Variants in LRP2 observed in about 807,000 individuals in gnomAD.
LRP2 encodes the protein low-density lipoprotein receptor-related protein 2.
LRP2 carries 172 observed loss-of-function variants against 531.0 expected under a neutral mutation model. That is an observed-to-expected ratio of 0.32 (90% CI 0.29 to 0.37). LRP2 has a LOEUF of 0.37. Among genes scored for constraint, LRP2 ranks in the 10% least tolerant of loss-of-function variants. LRP2 has a pLI of 1.00. For missense variants in LRP2, 5,167 were observed against 5,868.3 expected, an observed-to-expected ratio of 0.88 and a Z score of 3.90; for synonymous variants, 1,992 against 2,027.6, an observed-to-expected ratio of 0.98 and a Z score of 0.47.
chr2:169,211,823 C>G (rs769194876), intron 37 of LRP2, 145 bp downstream of exon 37: 25 of 1,163,412 alleles, frequency 2.1e-5, no homozygotes, highest in Non-Finnish European at 3.0e-5. Flanking sequence ...TTGAAAAACA[C>G]TTTAGGCTGT....
At position 169,201,860 on chromosome 2, in the gene LRP2, G is replaced by A; in HGVS notation, c.8220C>T (p.Thr2740=). 6.2e-7 allele frequency: 1 copy of A among 1,614,058 alleles called. No individual in the cohort carries two copies. The highest frequency in any genetic ancestry group is 8.5e-7 in the Non-Finnish European group (1 of 1,180,008). Residue 2740 remains threonine, a synonymous_variant, in exon 44 of 79, where the codon ACC becomes ACT. Transcript: ENST00000649046. ...DEMESVCALH[T]CSPTAFTCAN... ...CACAGGTGAAGGCTGTCGGTGAGCA[G>A]GTGTGAAGTGCTAAGAACAGGAAAA...
chr2:169,238,746 T>C (rs944514221), intron 26 of LRP2, among the ~76,000 whole-genome samples: 1 of 152,142 alleles, frequency 6.6e-6, no homozygotes, highest in Non-Finnish European at 1.5e-5. Context: ...CCCTCTCTTC[T>C]TTTTCTTTTT....
chr2:169,328,372 G>A (rs1164606360), intron 1 of LRP2, among the ~76,000 whole-genome samples: 2 of 142,598 alleles, frequency 1.4e-5, no homozygotes, highest in Admixed American at 7.6e-5. Context: ...AGGAAGTGAG[G>A]AGCCCCTCTG....
rs1319203698 is a variant in LRP2 at position 169,287,361 on chromosome 2, G to C, written c.1042+1665C>G. Among the ~76,000 whole-genome samples, 3 of 152,138 alleles carry C rather than the reference G, an allele frequency of 2.0e-5. No individual in the cohort carries two copies. In the East Asian group the frequency reaches 5.8e-4, roughly 29 times the overall value. On this transcript the variant is annotated intron_variant, in intron 9 of 78. Transcript: ENST00000649046. ...ATCTTAAAGTACCTTGTTGAATATAGTTACTTAAGAGGAGCAATTAGATGG... is the reference window on the plus strand; with the variant it reads ...ATCTTAAAGTACCTTGTTGAATATACTTACTTAAGAGGAGCAATTAGATGG...
Position 169,209,481 on chromosome 2 carries a change from G to C in LRP2, c.6441C>G (p.Val2147=), listed in dbSNP as rs760886750. The change falls in exon 38 of 79, where the codon GTC becomes GTG. Residue 2147 remains valine, a synonymous_variant. Coordinates refer to ENST00000649046, the MANE Select transcript of LRP2 (RefSeq NM_004525.3). ...CTACCCAATCCACTGCAATACCCCG[G>C]ACTCCATTTTCTCCTATTCCATGTG... The part of the protein sequence containing the change: ...IVTHGIGENG[V]RGIAVDWVAG... 2 of 1,613,968 alleles carry C rather than the reference G, an allele frequency of 1.2e-6. No individual in the cohort carries two copies. Among genetic ancestry groups the C allele is most frequent in the Non-Finnish European group, 8.5e-7 (1 of 1,179,952 alleles).
At chr2:169,237,975 A>C (rs1268167745) in intron 27 of LRP2, 116 bp downstream of exon 27, 2 of 836,428 alleles carry the variant, frequency 2.4e-6, no homozygotes, top group Middle Eastern at 2.2e-4. Context: ...TGTGGCCCAG[A>C]AGGTACCATG....
In LRP2 at chr2:169,204,186, A is replaced by G. The variant is rs554748412; in HGVS notation, c.7801T>C (p.Tyr2601His). The change falls in exon 42 of 79, where the codon TAT (tyrosine) becomes CAT (histidine). Residue 2601 changes from tyrosine (Y) to histidine (H), a missense_variant. Coordinates refer to ENST00000649046, the MANE Select transcript of LRP2 (RefSeq NM_004525.3). Reference sequence around the variant, plus strand: ...TCAGTCCAGTAAATATACTGGCCATAGAGAGTCAAGCCAAAAGCATGAACG... The same window carrying G: ...TCAGTCCAGTAAATATACTGGCCATGGAGAGTCAAGCCAAAAGCATGAACG... Reference protein sequence around the residue: ...AAVHAFGLTLYGQYIYWTDLY... With the variant: ...AAVHAFGLTLHGQYIYWTDLY... 4.5e-5 allele frequency: 72 copies of G among 1,614,084 alleles called. No homozygotes were observed. Among genetic ancestry groups the G allele is most frequent in the Non-Finnish European group, 5.7e-5 (67 of 1,180,030 alleles).
At chr2:169,247,784 G>T (rs1690069417) in intron 19 of LRP2, among the ~76,000 whole-genome samples, 1 of 152,152 alleles carries the variant, frequency 6.6e-6, no homozygotes, top group Admixed American at 6.6e-5. Context: ...ATTGGATTTA[G>T]TTCTGCATAG....
At chr2:169,310,988 T>C (rs964171680) in intron 3 of LRP2, among the ~76,000 whole-genome samples, 1 of 152,224 alleles carries the variant, frequency 6.6e-6, no homozygotes, top group African/African-American at 2.4e-5. Flanking sequence ...TTGATTTGCA[T>C]AGAGGTTTTT....
chr2:169,198,499 T>C (rs1251564772), intron 45 of LRP2, among the ~76,000 whole-genome samples: 2 of 152,158 alleles, frequency 1.3e-5, no homozygotes, highest in Admixed American at 6.5e-5. Flanking sequence ...TCTGCCTAAG[T>C]ACATGAAGGC....
intron 8 of LRP2, among the ~76,000 whole-genome samples, chr2:169,289,656 A>G (rs1683950404): frequency 1.3e-5 from 2 of 152,184 alleles, no homozygotes; most frequent in South Asian, 4.1e-4. Context: ...AAATCAGGTC[A>G]TGCATGGGTC....
At chr2:169,152,428 C>T (rs889520568) in intron 67 of LRP2, among the ~76,000 whole-genome samples, 3 of 152,202 alleles carry the variant, frequency 2.0e-5, no homozygotes, top group Non-Finnish European at 4.4e-5. Flanking sequence ...ACAAAATGAG[C>T]AGTGCTGCCA....
chr2:169,165,900 C>CT, intron 62 of LRP2, 32 bp downstream of exon 62: 3 of 1,613,400 alleles, frequency 1.9e-6, no homozygotes, highest in East Asian at 4.5e-5. Flanking sequence ...GGGGTCCTTC[C>CT]TTTTTCCTTC....
intron 63 of LRP2, among the ~76,000 whole-genome samples, chr2:169,162,074 C>T (rs1387275850): frequency 3.3e-5 from 5 of 152,102 alleles, no homozygotes; most frequent in African/African-American, 7.2e-5. Context: ...GACTAATAAA[C>T]AAAATATGTA....
At position 169,273,001 on chromosome 2, in the gene LRP2, T is replaced by C; in HGVS notation, c.2042A>G (p.Asp681Gly). 1 of 1,613,800 alleles carries C rather than the reference T, an allele frequency of 6.2e-7. No homozygotes were observed. Among genetic ancestry groups the C allele is most frequent in the Non-Finnish European group, 8.5e-7 (1 of 1,179,794 alleles). Residue 681 changes from aspartate (D) to glycine (G), a missense_variant, in exon 15 of 79, where the codon GAT becomes GGT. Coordinates refer to ENST00000649046, the MANE Select transcript of LRP2 (RefSeq NM_004525.3). ...GCAACGGAAACCCAAACCATCATTA[T>C]CTGTTCTGTGGCTGAGGACACAGAC... ...EQVCVLSHRTDNDGLGFRCKC... is the reference protein window; with the variant it reads ...EQVCVLSHRTGNDGLGFRCKC...
chr2:169,173,156 T>G lies in LRP2; in HGVS notation c.11083A>C (p.Lys3695Gln), dbSNP rs748443709. ...TCTACACCATTGCACACGGCCCACTTTGGGATGCAGCGGTAATTTGTTTTG... is the reference window on the plus strand; with the variant it reads ...TCTACACCATTGCACACGGCCCACTGTGGGATGCAGCGGTAATTTGTTTTG... Reference protein sequence around the residue: ...SCKTNYRCIPKWAVCNGVDDC... With the variant: ...SCKTNYRCIPQWAVCNGVDDC... The change falls in exon 57 of 79, where the codon AAG becomes CAG. Residue 3695 changes from lysine to glutamine, a missense_variant. Physicochemically the swap from Lys to Gln is moderately conservative, Grantham distance 53. Transcript: ENST00000649046. The G allele has an allele frequency of 3.1e-6, 5 of 1,614,036 alleles. No homozygotes were observed. Among genetic ancestry groups the G allele is most frequent in the Admixed American group, 1.7e-5 (1 of 60,002 alleles).
chr2:169,303,799 T>C (rs1432735008), intron 4 of LRP2, among the ~76,000 whole-genome samples: 1 of 152,146 alleles, frequency 6.6e-6, no homozygotes, highest in East Asian at 1.9e-4. Context: ...TCATTTTAGG[T>C]CACAGTGTGC....
rs112053993 is a variant in LRP2, at chr2:169,243,299, C to T, written c.3550+104G>A. The T allele has an allele frequency of 1.7e-5, 23 of 1,392,716 alleles. No individual in the cohort carries two copies. In the East Asian group the frequency reaches 4.9e-4, roughly 30 times the overall value. The allele number at this position is 1,392,716 out of a possible 1,614,324, so 86.3% of individuals were successfully genotyped here. On this transcript the variant is annotated intron_variant, in intron 23 of 78. Transcript: ENST00000649046. ...CATCCCTTCTCTAGCTCCCCACCCC[C>T]CAACAGGCCCCGGTGTGTGATGTTC...
chr2:169,314,245 A>AT (rs1559071093), intron 3 of LRP2, among the ~76,000 whole-genome samples: 1 of 140,380 alleles, frequency 7.1e-6, no homozygotes, highest in South Asian at 2.2e-4. Context: ...AAAGAAAAAA[A>AT]AAATAAATTT....
Sources: allele counts gnomAD v4.1 joint callset (sites outside exome capture counted in the v4.1 genomes callset), GRCh38; gene constraint gnomAD v4.1.1; transcripts MANE v1.5; gene names NCBI Gene and HGNC (gene_info 2026-07-23, HGNC 2026-07-21).